The following CEP85L variants were observed in gnomAD, a reference collection of about 807,000 sequenced individuals.
CEP85L encodes the protein centrosomal protein 85L.
In CEP85L, 60 loss-of-function variants were observed where a neutral mutation model predicts 100.3. The ratio of observed to expected loss-of-function variants is 0.60; its 90% CI spans 0.49 to 0.74. The LOEUF (loss-of-function observed/expected upper bound fraction) is 0.74, where lower values mean the gene tolerates loss of function less well. CEP85L is among the 30% of genes least tolerant of loss of function. CEP85L has a pLI of 0.00. For synonymous variants in CEP85L, 319 were observed against 322.7 expected (o/e 0.99, Z 0.12); for missense variants, 973 against 936.2 (o/e 1.04, Z -0.51).
Position 118,480,555 on chromosome 6 carries a change from T to A in CEP85L, c.1746-42A>T, listed in dbSNP as rs755511872. ...TTATATGAAGAAAATAAGCTCTATT[T>A]GCTGATTTTGGTAATGATTTCAACA... On this transcript the variant is annotated intron_variant, in intron 8 of 12. Coordinates refer to ENST00000368491, the MANE Select transcript of CEP85L (RefSeq NM_001042475.3). 15 of 1,255,298 alleles carry A rather than the reference T, an allele frequency of 1.2e-5. No individual in the cohort carries two copies. In the East Asian group the frequency reaches 3.5e-4, roughly 29 times the overall value. 77.8% of individuals were successfully genotyped at this position (1,255,298 alleles called of 1,614,324 possible).
At chr6:118,498,490 T>C (rs1395612698) in intron 5 of CEP85L, among the ~76,000 whole-genome samples, 1 of 151,700 alleles carries the variant, frequency 6.6e-6, no homozygotes, top group Non-Finnish European at 1.5e-5. Flanking sequence ...TTAACAACTG[T>C]ATCAGAAATG....
upstream of CEP85L, among the ~76,000 whole-genome samples, chr6:118,654,322 T>C (rs771304712): frequency 4.6e-5 from 7 of 151,962 alleles, no homozygotes; most frequent in Non-Finnish European, 1.0e-4. Flanking sequence ...ATGCATAATA[T>C]GAGGAAAGCT....
At chr6:118,558,736 G>C (rs1029429507) in intron 3 of CEP85L, 1 of 633,344 alleles carries the variant, frequency 1.6e-6, no homozygotes, top group Non-Finnish European at 2.8e-6. Flanking sequence ...ATAGTGCTGA[G>C]GAAGATGAAT....
intron 2 of CEP85L, among the ~76,000 whole-genome samples, chr6:118,626,866 T>G (rs1325258570): frequency 2.0e-5 from 3 of 151,642 alleles, no homozygotes; most frequent in Non-Finnish European, 4.4e-5. Context: ...TCAAACAGAG[T>G]AGTATCTAAA....
At chr6:118,487,975 ATAC>A (rs1774296951) in intron 6 of CEP85L, among the ~76,000 whole-genome samples, 1 of 152,102 alleles carries the variant, frequency 6.6e-6, no homozygotes, top group Admixed American at 6.5e-5. Flanking sequence ...AGGACCTAGA[ATAC>A]TCCTGAAGCC....
chr6:118,593,204 A>G (rs1781284443), intron 2 of CEP85L, among the ~76,000 whole-genome samples: 1 of 152,196 alleles, frequency 6.6e-6, no homozygotes, highest in South Asian at 2.1e-4. Context: ...TAAAGGGGAT[A>G]TAATTTCTTT....
At chr6:118,626,856 TCAAA>T (rs1301827695) in intron 2 of CEP85L, among the ~76,000 whole-genome samples, 3 of 152,150 alleles carry the variant, frequency 2.0e-5, no homozygotes, top group African/African-American at 7.2e-5. Flanking sequence ...AAACAATGTA[TCAAA>T]CAGAGTAGTA....
At chr6:118,690,842 TA>T (rs1187110210) in intron 1 of CEP85L, among the ~76,000 whole-genome samples, 1 of 150,892 alleles carries the variant, frequency 6.6e-6, no homozygotes, top group Non-Finnish European at 1.5e-5. Context: ...CCAAAAATAA[TA>T]AAAAATTAGC....
chr6:118,483,789 C>G lies in CEP85L; in HGVS notation c.1507G>C (p.Glu503Gln), dbSNP rs1562185848. The G allele has an allele frequency of 6.2e-7, 1 of 1,613,812 alleles. No individual in the cohort carries two copies. The change falls in exon 7 of 13, where the codon GAA becomes CAA. Residue 503 changes from glutamate to glutamine, a missense_variant. Transcript: ENST00000368491. ...KCQKESEQNKEKQRRIETLEK... is the reference protein window; with the variant it reads ...KCQKESEQNKQKQRRIETLEK... ...AAGGTCTCAATTCTTCTCTGCTTTT[C>G]TTTGTTTTGTTCAGATTCCTTCTGG... is the stretch of plus-strand genomic sequence containing the variant.
chr6:118,548,073 T>C (rs1324081276), intron 3 of CEP85L, among the ~76,000 whole-genome samples: 4 of 152,250 alleles, frequency 2.6e-5, no homozygotes, highest in Non-Finnish European at 2.9e-5. Flanking sequence ...ACCTCAAGTT[T>C]ACTTATTTTT....
intron 10 of CEP85L, among the ~76,000 whole-genome samples, chr6:118,474,189 A>G (rs760081433): frequency 2.0e-4 from 31 of 152,208 alleles, no homozygotes; most frequent in Non-Finnish European, 4.0e-4. Context: ...TACTCAAGGA[A>G]ATCTACTAAA....
At chr6:118,592,706 T>A (rs1224902895) in intron 2 of CEP85L, among the ~76,000 whole-genome samples, 1 of 152,120 alleles carries the variant, frequency 6.6e-6, no homozygotes, top group African/African-American at 2.4e-5. Context: ...AAATGAAAAA[T>A]TTATGCAAAC....
At position 118,663,942 on chromosome 6, in the gene CEP85L, T is replaced by G. The variant is rs1001209093; in HGVS notation, c.-27-11134A>C. On this transcript the variant is annotated intron_variant, in intron 1 of 13. Coordinates refer to the CEP85L transcript ENST00000368488. ...AGTTTTTCCTTTTTTTTTTTTTTTC[T>G]GAGACAGAATCTTGCTTTGTCACCC... is the stretch of plus-strand genomic sequence containing the variant. Among the ~76,000 whole-genome samples, 6 of 151,192 alleles carry G rather than the reference T, an allele frequency of 4.0e-5. No homozygotes were observed. In the Middle Eastern group the frequency reaches 0.01, roughly 259 times the overall value.
At chr6:118,542,205 A>T (rs934537197) in intron 3 of CEP85L, among the ~76,000 whole-genome samples, 1 of 152,196 alleles carries the variant, frequency 6.6e-6, no homozygotes, top group Non-Finnish European at 1.5e-5. Context: ...AAAATTTGTA[A>T]CATATATTTT....
chr6:118,487,951 G>C (rs1419401835), intron 6 of CEP85L, among the ~76,000 whole-genome samples: 2 of 152,042 alleles, frequency 1.3e-5, no homozygotes, highest in Non-Finnish European at 2.9e-5. Context: ...AATTCTGCTT[G>C]TCTGAGTACT....
chr6:118,556,046 T>G (rs1778853055), intron 3 of CEP85L, among the ~76,000 whole-genome samples: 1 of 152,228 alleles, frequency 6.6e-6, no homozygotes, highest in African/African-American at 2.4e-5. Context: ...TTATCCAGTC[T>G]GTCACTGATG....
At chr6:118,534,215 A>T (rs562593349) in intron 3 of CEP85L, among the ~76,000 whole-genome samples, 2 of 152,306 alleles carry the variant, frequency 1.3e-5, no homozygotes, top group African/African-American at 4.8e-5. Flanking sequence ...AATTTTTTTT[A>T]AAAAACCAAT....
intron 5 of CEP85L, among the ~76,000 whole-genome samples, chr6:118,494,824 C>A (rs577380564): frequency 6.6e-6 from 1 of 152,246 alleles, no homozygotes; most frequent in African/African-American, 2.4e-5. Context: ...GAAGAGACCA[C>A]AAAGCATCAG....
intron 1 of CEP85L, among the ~76,000 whole-genome samples, chr6:118,633,013 A>C (rs1374974391): frequency 6.6e-6 from 1 of 152,204 alleles, no homozygotes. Flanking sequence ...ATAATAATGC[A>C]TGATAATATA....
Sources: allele counts gnomAD v4.1 joint callset (sites outside exome capture counted in the v4.1 genomes callset), GRCh38; gene constraint gnomAD v4.1.1; transcripts MANE v1.5; gene names NCBI Gene and HGNC (gene_info 2026-07-23, HGNC 2026-07-21).